Variants in XKR6 observed in about 807,000 individuals in gnomAD.
XKR6 encodes the protein XK related 6.
A neutral mutation model predicts 56.7 loss-of-function variants in XKR6; 22 were observed. That is an observed-to-expected ratio of 0.39 (90% CI 0.28 to 0.55). The LOEUF is 0.55. Ranked by LOEUF, XKR6 falls within the 20% of genes least tolerant of loss-of-function variation. The probability of loss-of-function intolerance (pLI) is 0.66; values close to 1 mark genes in which losing one functional copy is unlikely to be tolerated. For missense variants in XKR6, 852 were observed against 889.0 expected (o/e 0.96, Z 0.53); for synonymous variants, 524 against 387.8 (o/e 1.35, Z -4.13).
chr8:11,197,912 A>C (rs1292173393), intron 1 of XKR6, among the ~76,000 whole-genome samples: 2 of 152,228 alleles, frequency 1.3e-5, no homozygotes, highest in Non-Finnish European at 2.9e-5. Context: ...TACATTAAAA[A>C]ATGTAAAGAG....
intron 1 of XKR6, among the ~76,000 whole-genome samples, chr8:11,133,693 G>C (rs1283229552): frequency 6.6e-6 from 1 of 151,964 alleles, no homozygotes. Flanking sequence ...TAGGCAGGTG[G>C]CTGAAATACC....
intron 1 of XKR6, among the ~76,000 whole-genome samples, chr8:11,170,515 T>C (rs749155449): frequency 6.6e-6 from 1 of 152,156 alleles, no homozygotes; most frequent in Non-Finnish European, 1.5e-5. Context: ...AGACACAGAC[T>C]ACAGGTTAGC....
At chr8:11,102,204 G>C (rs1046715171) in intron 1 of XKR6, among the ~76,000 whole-genome samples, 2 of 152,008 alleles carry the variant, frequency 1.3e-5, no homozygotes, top group Non-Finnish European at 2.9e-5. Flanking sequence ...TTGGAATACT[G>C]AGACCTGCCC....
At chr8:10,981,191 C>A (rs1476832908) in intron 1 of XKR6, among the ~76,000 whole-genome samples, 1 of 152,208 alleles carries the variant, frequency 6.6e-6, no homozygotes, top group Non-Finnish European at 1.5e-5. Flanking sequence ...GAGAGATGGG[C>A]AGCTGTGGCC....
At chr8:11,189,943 G>T (rs1467737090) in intron 1 of XKR6, among the ~76,000 whole-genome samples, 1 of 152,030 alleles carries the variant, frequency 6.6e-6, no homozygotes, top group South Asian at 2.1e-4. Context: ...GATCACCTGA[G>T]GTCAGCAGTT....
intron 1 of XKR6, among the ~76,000 whole-genome samples, chr8:11,076,816 T>G (rs781048018): frequency 6.6e-6 from 1 of 152,174 alleles, no homozygotes; most frequent in Non-Finnish European, 1.5e-5. Context: ...CACTGCTACC[T>G]TGAATCCCAA....
chr8:11,023,091 C>T (rs914677748), intron 1 of XKR6, among the ~76,000 whole-genome samples: 7 of 152,174 alleles, frequency 4.6e-5, no homozygotes, highest in East Asian at 1.9e-4. Flanking sequence ...TCTGATGTGC[C>T]GAACAAAACC....
intron 1 of XKR6, among the ~76,000 whole-genome samples, chr8:11,027,597 A>G (rs1019282980): frequency 6.6e-6 from 1 of 152,226 alleles, no homozygotes; most frequent in African/African-American, 2.4e-5. Context: ...GTCACATGAC[A>G]TTAGGCTTCA....
At chr8:10,909,737 G>T (rs1800293694) in intron 2 of XKR6, among the ~76,000 whole-genome samples, 1 of 152,120 alleles carries the variant, frequency 6.6e-6, no homozygotes, top group Admixed American at 6.5e-5. Context: ...GAAAACCTTG[G>T]GGTTAAACAC....
In XKR6 at chr8:10,898,052, G is replaced by A; in HGVS notation, c.1826C>T (p.Thr609Ile). 6.2e-7 allele frequency: 1 copy of A among 1,614,038 alleles called. No homozygotes were observed. The highest frequency in any genetic ancestry group is 8.5e-7 in the Non-Finnish European group (1 of 1,179,978). The part of the protein sequence containing the change: ...AHFVDRRLRR[T>I]INILQYVTPT... ...GGTGACATATTGTAGAATGTTAATA[G>A]TCCTTCTCAGCCTCCTGTCTACAAA... Residue 609 changes from threonine to isoleucine, a missense_variant, in exon 3 of 3, where the codon ACT becomes ATT. Thr to Ile is a moderately conservative substitution (Grantham distance 89). Around this residue, in one of 4 missense-constraint regions of XKR6, gnomAD observed 39 missense variants for 62.5 expected, o/e 0.62. Transcript: ENST00000416569. The surrounding 1 kb of genome is among the most constrained non-coding windows in gnomAD (Gnocchi z 6.6).
At chr8:11,073,580 G>A (rs1437328630) in intron 1 of XKR6, among the ~76,000 whole-genome samples, 1 of 152,202 alleles carries the variant, frequency 6.6e-6, no homozygotes, top group South Asian at 2.1e-4. Context: ...GATCAATACT[G>A]AAGATGAATT....
chr8:11,050,611 T>C (rs1305215206), intron 1 of XKR6, among the ~76,000 whole-genome samples: 2 of 149,928 alleles, frequency 1.3e-5, no homozygotes, highest in Non-Finnish European at 3.0e-5. Flanking sequence ...TGACTTGATA[T>C]CCCAGAAAAG....
intron 1 of XKR6, among the ~76,000 whole-genome samples, chr8:11,170,894 G>A (rs1296706645): frequency 1.3e-5 from 2 of 152,060 alleles, no homozygotes; most frequent in East Asian, 3.9e-4. Flanking sequence ...AATTTACAGA[G>A]GAACTAGGTA....
At chr8:11,141,282 C>A (rs1019723844) in intron 1 of XKR6, among the ~76,000 whole-genome samples, 5 of 151,994 alleles carry the variant, frequency 3.3e-5, no homozygotes, top group African/African-American at 1.2e-4. Context: ...TGAATATGTC[C>A]CTCCAAAATT....
intron 1 of XKR6, among the ~76,000 whole-genome samples, chr8:11,009,231 C>T (rs572690927): frequency 7.9e-4 from 121 of 152,224 alleles, no homozygotes; most frequent in African/African-American, 2.4e-3. Flanking sequence ...TAGGGTTTGG[C>T]CGGGCATGGT....
At position 11,201,026 on chromosome 8, in the gene XKR6, C is replaced by A; in HGVS notation, c.314G>T (p.Arg105Leu). 8.3e-7 allele frequency: 1 copy of A among 1,200,942 alleles called. No homozygotes were observed. 74.4% of individuals were successfully genotyped at this position (1,200,942 alleles called of 1,614,324 possible). Residue 105 changes from arginine to leucine, a missense_variant, in exon 1 of 3, where the codon CGC (arginine) becomes CTC (leucine). By Grantham distance (102) the Arg-to-Leu change is moderately radical. This residue lies in a region of XKR6 where 417 missense variants were observed against 355.2 expected (regional missense o/e 1.17). Transcript: ENST00000416569. ...LQPPAAPGAG[R>L]QPPTPSAARP... The stretch of plus-strand genomic sequence containing the variant: ...CGCGGCCGAGGGCGTCGGGGGTTGG[C>A]GGCCGGCGCCGGGGGCCGCGGGAGG...
chr8:10,977,931 G>A (rs181662322), intron 1 of XKR6, among the ~76,000 whole-genome samples: 104 of 152,184 alleles, frequency 6.8e-4, no homozygotes, highest in African/African-American at 2.4e-3. Context: ...TACAGGCGAT[G>A]ACTCCAGAAC....
intron 1 of XKR6, among the ~76,000 whole-genome samples, chr8:11,081,982 C>A (rs1487381820): frequency 1.3e-5 from 2 of 152,162 alleles, no homozygotes; most frequent in Middle Eastern, 3.2e-3. Context: ...CTCTTGTCGG[C>A]CTACCCTCTC....
intron 1 of XKR6, among the ~76,000 whole-genome samples, chr8:10,968,844 C>CT (rs112938059): frequency 5.9e-5 from 9 of 152,326 alleles, no homozygotes; most frequent in African/African-American, 1.9e-4. Flanking sequence ...GGCTCTGGGA[C>CT]TGGGGAGCCA....
Sources: gnomAD v4.1 joint callset for allele counts (sites outside exome capture counted in the v4.1 genomes callset) on GRCh38, gnomAD v4.1.1 for gene constraint, gnomAD v4.1.1 regional missense constraint, Gnocchi (gnomAD v3.1) non-coding constraint, MANE v1.5 for transcripts, NCBI Gene and HGNC (gene_info 2026-07-23, HGNC 2026-07-21) for gene names.